Variants in TRIM2 observed in about 807,000 individuals in gnomAD.
The protein encoded by TRIM2 is tripartite motif-containing protein 2.
A neutral mutation model predicts 75.2 loss-of-function variants in TRIM2; 20 were observed. That is an observed-to-expected ratio of 0.27 (90% CI 0.19 to 0.39). TRIM2 has a LOEUF of 0.39. Among genes scored for constraint, TRIM2 ranks in the 10% least tolerant of loss-of-function variants. The probability of loss-of-function intolerance (pLI) is 1.00; values close to 1 mark genes in which losing one functional copy is unlikely to be tolerated. For missense variants in TRIM2, 660 were observed against 990.8 expected (o/e 0.67, Z 4.48); for synonymous variants, 373 against 388.3 (o/e 0.96, Z 0.46).
chr4:153,336,111 A>G lies in TRIM2; in HGVS notation c.*1145A>G. 3.1e-6 allele frequency: 3 copies of G among 964,488 alleles called. No homozygotes were observed. Among genetic ancestry groups the G allele is most frequent in the Non-Finnish European group, 3.7e-6 (3 of 820,084 alleles). The allele number at this position is 964,488 out of a possible 1,614,324, so 59.7% of individuals were successfully genotyped here. Reference sequence around the variant, plus strand: ...GTATACATGATTAGGGTAAGATAGAATGTATTATATATATATATATATACA... The same window carrying G: ...GTATACATGATTAGGGTAAGATAGAGTGTATTATATATATATATATATACA... On this transcript the variant is annotated 3_prime_UTR_variant, in exon 12 of 12. Transcript: ENST00000338700.
At chr4:153,284,253 T>C (rs901347207) in intron 3 of TRIM2, among the ~76,000 whole-genome samples, 6 of 150,928 alleles carry the variant, frequency 4.0e-5, no homozygotes, top group Non-Finnish European at 7.4e-5. Context: ...CAGGCTGGAG[T>C]GCAGTGACGT....
At chr4:153,187,001 T>TA (rs1732666962) in intron 1 of TRIM2, among the ~76,000 whole-genome samples, 1 of 152,202 alleles carries the variant, frequency 6.6e-6, no homozygotes, top group Admixed American at 6.5e-5. Context: ...AATCCAATGT[T>TA]AAAAATTCAA....
At chr4:153,164,673 G>C (rs1730108600) in intron 1 of TRIM2, among the ~76,000 whole-genome samples, 1 of 152,018 alleles carries the variant, frequency 6.6e-6, no homozygotes, top group South Asian at 2.1e-4. Flanking sequence ...AAATGTCCTT[G>C]GATATACATA....
chr4:153,305,701 C>T (rs1764826488), intron 6 of TRIM2, among the ~76,000 whole-genome samples: 1 of 152,204 alleles, frequency 6.6e-6, no homozygotes, highest in African/African-American at 2.4e-5. Flanking sequence ...CTTGTGAGAA[C>T]TCACCCCTCC....
rs7692232 is a variant in TRIM2 at position 153,295,111 on chromosome 4, G to T, written c.787-202G>T. On this transcript the variant is annotated intron_variant, in intron 5 of 11. Transcript: ENST00000338700. This position sits in a 1 kb window ranked among gnomAD's most constrained non-coding sequence, Gnocchi z 7.2. ...ACATGTGTGGAAGAGAGGGCGAGGC[G>T]GAAGGGAAACCTCGAAAAGGTACTG... 0.021 allele frequency among the ~76,000 whole-genome samples: 3,158 copies of T among 152,344 alleles called. 66 individuals carry two copies. The highest frequency in any genetic ancestry group is 0.052 in the African/African-American group (2,176 of 41,574).
chr4:153,170,579 G>A (rs1449975991), intron 1 of TRIM2, among the ~76,000 whole-genome samples: 1 of 152,152 alleles, frequency 6.6e-6, no homozygotes, highest in East Asian at 1.9e-4. Flanking sequence ...CCACACAACT[G>A]CTTTTTGAAT....
upstream of TRIM2, among the ~76,000 whole-genome samples, chr4:153,152,942 TG>T (rs2149579684): frequency 6.6e-6 from 1 of 152,346 alleles, no homozygotes; most frequent in African/African-American, 2.4e-5. Context: ...CACCTTTTCA[TG>T]GTCTTTCCCT....
At chr4:153,291,032 C>A (rs1036887292) in intron 3 of TRIM2, among the ~76,000 whole-genome samples, 1 of 151,552 alleles carries the variant, frequency 6.6e-6, no homozygotes, top group Non-Finnish European at 1.5e-5. Context: ...GAAATTACAG[C>A]CTTATATGAC....
chr4:153,222,673 A>C (rs1740930421), intron 1 of TRIM2: 1 of 152,196 alleles, frequency 6.6e-6, no homozygotes, highest in Admixed American at 6.5e-5. Context: ...ACAGAATGGA[A>C]ATGACCGACC....
chr4:153,318,242 T>G (rs907175732), intron 8 of TRIM2, among the ~76,000 whole-genome samples: 1 of 152,222 alleles, frequency 6.6e-6, no homozygotes, highest in African/African-American at 2.4e-5. Context: ...GGTTTCTTTC[T>G]GGAAGAATTT....
chr4:153,182,001 A>C (rs545736361), intron 1 of TRIM2, among the ~76,000 whole-genome samples: 1 of 152,252 alleles, frequency 6.6e-6, no homozygotes, highest in Admixed American at 6.5e-5. Context: ...CTCCACCCTC[A>C]ACTCTGATGC....
At chr4:153,176,104 T>G in intron 1 of TRIM2, among the ~76,000 whole-genome samples, 1 of 152,162 alleles carries the variant, frequency 6.6e-6, no homozygotes, top group Non-Finnish European at 1.5e-5. Flanking sequence ...TATATGCACT[T>G]CACCCTAAGA....
At chr4:153,242,051 C>T (rs1227006327) in intron 1 of TRIM2, among the ~76,000 whole-genome samples, 1 of 152,168 alleles carries the variant, frequency 6.6e-6, no homozygotes. Flanking sequence ...GAACAGGGGG[C>T]AGGCAAGGTG....
chr4:153,322,515 A>T (rs1266559330), intron 8 of TRIM2, 133 bp from the exon 9 acceptor site: 9 of 863,606 alleles, frequency 1.0e-5, no homozygotes, highest in Non-Finnish European at 1.5e-5. Context: ...GTTCATTGTG[A>T]TATATGAGTA....
intron 1 of TRIM2, among the ~76,000 whole-genome samples, chr4:153,154,657 ATCC>A (rs1291994630): frequency 2.0e-5 from 3 of 152,182 alleles, no homozygotes; most frequent in Non-Finnish European, 4.4e-5. Context: ...AAATATAATA[ATCC>A]TCAGAAAAGT....
chr4:153,244,813 A>C (rs1420564677), intron 1 of TRIM2, among the ~76,000 whole-genome samples: 1 of 152,232 alleles, frequency 6.6e-6, no homozygotes, highest in Admixed American at 6.5e-5. Context: ...CAGATACTTA[A>C]GAGGGAAAGG....
At chr4:153,208,099 C>T (rs1735969790) in intron 1 of TRIM2, among the ~76,000 whole-genome samples, 1 of 152,082 alleles carries the variant, frequency 6.6e-6, no homozygotes, top group Admixed American at 6.5e-5. Context: ...AGTTCAAGAC[C>T]AGCCTGGGCA....
chr4:153,301,152 C>T (rs1167873539), intron 6 of TRIM2, among the ~76,000 whole-genome samples: 1 of 151,192 alleles, frequency 6.6e-6, no homozygotes, highest in Non-Finnish European at 1.5e-5. Flanking sequence ...GATCGCGCCA[C>T]TACATTCCAG....
chr4:153,209,189 A>G (rs1284812666), intron 1 of TRIM2, among the ~76,000 whole-genome samples: 1 of 152,220 alleles, frequency 6.6e-6, no homozygotes, highest in African/African-American at 2.4e-5. Flanking sequence ...TAACTAGAGT[A>G]ATGGAACACC....
Sources: allele counts gnomAD v4.1 joint callset (sites outside exome capture counted in the v4.1 genomes callset), GRCh38; gene constraint gnomAD v4.1.1; non-coding constraint Gnocchi (gnomAD v3.1); transcripts MANE v1.5; gene names NCBI Gene and HGNC (gene_info 2026-07-23, HGNC 2026-07-21).